TSHZ3: variants seen among roughly 807,000 people sequenced by gnomAD.
TSHZ3 encodes teashirt zinc finger homeobox 3, also known as teashirt homolog 3.
In TSHZ3, 10 loss-of-function variants were observed where a neutral mutation model predicts 64.5. That is an observed-to-expected ratio of 0.16 (90% CI 0.10 to 0.26). TSHZ3 has a LOEUF of 0.26. Ranked by LOEUF, TSHZ3 falls within the 10% of genes least tolerant of loss-of-function variation. The probability of loss-of-function intolerance (pLI) is 1.00; values close to 1 mark genes in which losing one functional copy is unlikely to be tolerated. For synonymous variants in TSHZ3, 608 were observed against 593.1 expected, an observed-to-expected ratio of 1.03 and a Z score of -0.36; for missense variants, 1,242 against 1,421.7, an observed-to-expected ratio of 0.87 and a Z score of 2.03.
intron 1 of TSHZ3, among the ~76,000 whole-genome samples, chr19:31,348,165 C>T (rs954768873): frequency 6.6e-6 from 1 of 152,200 alleles, no homozygotes; most frequent in Non-Finnish European, 1.5e-5. Context: ...CCCAAAGTTG[C>T]ACTGACAGGG....
At chr19:31,284,845 A>G (rs889965959) in intron 1 of TSHZ3, among the ~76,000 whole-genome samples, 2 of 152,312 alleles carry the variant, frequency 1.3e-5, no homozygotes, top group South Asian at 4.1e-4. Context: ...CAGAGTGGCC[A>G]CTCAATACAT....
At chr19:31,201,482 T>C (rs1301351615) in intron 5 of TSHZ3, among the ~76,000 whole-genome samples, 4 of 152,176 alleles carry the variant, frequency 2.6e-5, no homozygotes, top group African/African-American at 9.7e-5. Context: ...TCTTGATAAG[T>C]CATAGAATTT....
chr19:31,343,943 C>T lies in TSHZ3; in HGVS notation c.40+5237G>A, dbSNP rs550040126. The stretch of plus-strand genomic sequence containing the variant: ...CTTACAGACATTTAAATGCATGTAT[C>T]GGGACACTTTATCAACCTAACATAA... On this transcript the variant is annotated intron_variant, in intron 1 of 1. Coordinates refer to ENST00000240587, the MANE Select transcript of TSHZ3 (RefSeq NM_020856.4). Among the ~76,000 whole-genome samples the T allele has an allele frequency of 3.3e-5, 5 of 152,080 alleles. No homozygotes were observed. The East Asian group carries it at 7.7e-4, about 24-fold the overall frequency.
Position 31,278,339 on chromosome 19 carries a change from G to C in TSHZ3, c.1454C>G (p.Pro485Arg). The C allele has an allele frequency of 6.2e-7, 1 of 1,614,182 alleles. No homozygotes were observed. The highest frequency in any genetic ancestry group is 8.5e-7 in the Non-Finnish European group (1 of 1,180,044). The stretch of plus-strand genomic sequence containing the variant: ...TTCGCCAGGCTTGTCTTTTTGCTTA[G>C]GTTTCTCGTCAGTGACCGCTTTCTC... ...DKEKAVTDEK[P>R]KQKDKPGEEE... The change falls in exon 2 of 2, where the codon CCT becomes CGT. Residue 485 changes from proline (P) to arginine (R), a missense_variant. Around this residue, in one of 4 missense-constraint regions of TSHZ3, gnomAD observed 555 missense variants for 704.0 expected, o/e 0.79. Coordinates refer to ENST00000240587, the MANE Select transcript of TSHZ3 (RefSeq NM_020856.4). The surrounding 1 kb of genome is among the most constrained non-coding windows in gnomAD (Gnocchi z 4.7).
At position 31,154,494 on chromosome 19, in the gene TSHZ3, A is replaced by G. The variant is rs182968709; in HGVS notation, n.871+1862T>C. Among the ~76,000 whole-genome samples the G allele has an allele frequency of 3.2e-4, 48 of 152,322 alleles. 1 individual carries two copies. The highest frequency in any genetic ancestry group is 1.1e-3 in the African/African-American group (47 of 41,574). On this transcript the variant is annotated intron_variant and non_coding_transcript_variant, in intron 6 of 6. Transcript: ENST00000651361. Reference sequence around the variant, plus strand: ...GAACCACCTGACTAAGTGTTGTAGAAAAAAACCAGGTTCCTGTCACATGAC... The same window carrying G: ...GAACCACCTGACTAAGTGTTGTAGAGAAAAACCAGGTTCCTGTCACATGAC...
chr19:31,290,897 T>A (rs929680800), intron 1 of TSHZ3, among the ~76,000 whole-genome samples: 2 of 152,136 alleles, frequency 1.3e-5, no homozygotes, highest in Non-Finnish European at 1.5e-5. Context: ...CTCTTCCCAC[T>A]AGCAAGGTCA....
At chr19:31,228,704 T>A (rs540541397) in intron 3 of TSHZ3, among the ~76,000 whole-genome samples, 1 of 152,124 alleles carries the variant, frequency 6.6e-6, no homozygotes, top group Non-Finnish European at 1.5e-5. Flanking sequence ...CATGGACAGA[T>A]TGCAGAGAGT....
At chr19:31,164,878 T>C (rs1974423431) in intron 5 of TSHZ3, among the ~76,000 whole-genome samples, 1 of 152,178 alleles carries the variant, frequency 6.6e-6, no homozygotes, top group South Asian at 2.1e-4. Context: ...AAGTGGCCGA[T>C]TGGACCAGGA....
In TSHZ3 at chr19:31,164,635, G is replaced by A. The variant is rs545603730; in HGVS notation, n.810-8218C>T. 3.9e-5 allele frequency among the ~76,000 whole-genome samples: 6 copies of A among 152,200 alleles called. No homozygotes were observed. The East Asian group carries it at 9.7e-4, about 25-fold the overall frequency. On this transcript the variant is annotated intron_variant and non_coding_transcript_variant, in intron 5 of 6. Coordinates refer to the TSHZ3 transcript ENST00000651361. ...TGATAGAGCTTACACAAGTCACACC[G>A]ACCTCTCTGGACCTCAGTTTTGGCA...
chr19:31,294,906 C>T (rs544220615), intron 1 of TSHZ3, among the ~76,000 whole-genome samples: 32 of 152,240 alleles, frequency 2.1e-4, no homozygotes, highest in African/African-American at 7.5e-4. Context: ...TGGTTCATGC[C>T]TTGCTTGCCT....
chr19:31,195,991 T>G (rs931126269), intron 5 of TSHZ3, among the ~76,000 whole-genome samples: 112 of 152,160 alleles, frequency 7.4e-4, no homozygotes, highest in African/African-American at 2.5e-3. Flanking sequence ...TTATTATAGC[T>G]TATTGCTTCT....
chr19:31,206,121 ATGGATGG>A (rs1975168094), intron 4 of TSHZ3, among the ~76,000 whole-genome samples: 2 of 151,104 alleles, frequency 1.3e-5, no homozygotes, highest in Non-Finnish European at 3.0e-5. Flanking sequence ...GGATGGATGG[ATGGATGG>A]ATAAATGAAT....
chr19:31,207,022 A>G (rs901544506), intron 4 of TSHZ3, among the ~76,000 whole-genome samples: 1 of 152,210 alleles, frequency 6.6e-6, no homozygotes, highest in African/African-American at 2.4e-5. Context: ...AAAATTGCAG[A>G]AATTTTTCTT....
chr19:31,181,430 G>A (rs545255728), intron 5 of TSHZ3, among the ~76,000 whole-genome samples: 1 of 152,088 alleles, frequency 6.6e-6, no homozygotes, highest in Non-Finnish European at 1.5e-5. Flanking sequence ...AGAGAAGAAG[G>A]GTTTTCTCCA....
intron 1 of TSHZ3, among the ~76,000 whole-genome samples, chr19:31,317,278 G>A (rs535268493): frequency 6.6e-6 from 1 of 152,302 alleles, no homozygotes; most frequent in African/African-American, 2.4e-5. Flanking sequence ...GTAGTTTAAT[G>A]CCCCAGCCAT....
Position 31,276,128 on chromosome 19 carries a change from CA to C in TSHZ3, c.*418del, listed in dbSNP as rs1374654626. 2 of 154,828 alleles carry C rather than the reference CA, an allele frequency of 1.3e-5. No individual in the cohort carries two copies. Among genetic ancestry groups the C allele is most frequent in the Admixed American group, 1.3e-4 (2 of 15,330 alleles). 9.6% of individuals were successfully genotyped at this position (154,828 alleles called of 1,614,324 possible). ...TTATTATTTTATTTTATTTTTTAAC[CA>C]AATTAATGCAAAAGTGCTTCAAAGT... On this transcript the variant is annotated 3_prime_UTR_variant, in exon 2 of 2. Transcript: ENST00000240587.
At chr19:31,165,945 C>A (rs970808674) in intron 5 of TSHZ3, among the ~76,000 whole-genome samples, 2 of 152,186 alleles carry the variant, frequency 1.3e-5, no homozygotes, top group African/African-American at 4.8e-5. Flanking sequence ...GATGTGCCGA[C>A]TTCTAGTATG....
chr19:31,343,907 T>C (rs1234542834), intron 1 of TSHZ3, among the ~76,000 whole-genome samples: 2 of 152,184 alleles, frequency 1.3e-5, no homozygotes, highest in African/African-American at 4.8e-5. Flanking sequence ...GTCTGGATTT[T>C]TTTAAAAAGG....
chr19:31,324,561 G>A (rs1251879627), intron 1 of TSHZ3, among the ~76,000 whole-genome samples: 6 of 152,246 alleles, frequency 3.9e-5, no homozygotes, highest in Non-Finnish European at 8.8e-5. Flanking sequence ...AGCCTGAATG[G>A]GAAGTGACTT....
Sources: gnomAD v4.1 joint callset for allele counts (sites outside exome capture counted in the v4.1 genomes callset) on GRCh38, gnomAD v4.1.1 for gene constraint, gnomAD v4.1.1 regional missense constraint, Gnocchi (gnomAD v3.1) non-coding constraint, MANE v1.5 for transcripts, NCBI Gene and HGNC (gene_info 2026-07-23, HGNC 2026-07-21) for gene names.